The following NAA35 variants were observed in gnomAD, a reference collection of about 807,000 sequenced individuals.
NAA35 encodes N-alpha-acetyltransferase 35, NatC auxiliary subunit, also known as MAK10 homolog, amino-acid N-acetyltransferase subunit.
In NAA35, 18 loss-of-function variants were observed where a neutral mutation model predicts 101.7. The ratio of observed to expected loss-of-function variants is 0.18; its 90% confidence interval spans 0.12 to 0.26. The LOEUF is 0.26. Among genes scored for constraint, NAA35 ranks in the 10% least tolerant of loss-of-function variants. The pLI, the probability that NAA35 is intolerant of heterozygous loss-of-function variation, is 1.00. For missense variants in NAA35, 601 were observed against 886.8 expected (o/e 0.68, Z 4.09); for synonymous variants, 267 against 273.1 (o/e 0.98, Z 0.22).
intron 13 of NAA35, among the ~76,000 whole-genome samples, chr9:86,006,034 G>C (rs1402365588): frequency 6.6e-6 from 1 of 152,082 alleles, no homozygotes. Context: ...AGCCTGGCAT[G>C]GTGGCAGGCG....
chr9:85,959,378 AAAAAAAAAAAAC>A (rs1248527476), intron 4 of NAA35, among the ~76,000 whole-genome samples: 6 of 149,766 alleles, frequency 4.0e-5, no homozygotes, highest in Admixed American at 3.3e-4. Flanking sequence ...CTCTGTCTCA[AAAAAAAAAAAAC>A]AAAAAAAAAA....
chr9:86,014,207 C>CAAGT (rs1664946280), intron 17 of NAA35: 1 of 200,276 alleles, frequency 5.0e-6, no homozygotes, highest in Non-Finnish European at 8.9e-6. Flanking sequence ...AATTTGGTGG[C>CAAGT]ACTAGCTGTG....
intron 4 of NAA35, among the ~76,000 whole-genome samples, chr9:85,959,249 G>A (rs1829405023): frequency 6.6e-6 from 1 of 151,692 alleles, no homozygotes; most frequent in African/African-American, 2.4e-5. Context: ...GGTGGCAGGC[G>A]CCTGTAGTCC....
At chr9:85,965,065 C>CT (rs1395361475) in intron 6 of NAA35, among the ~76,000 whole-genome samples, 4 of 152,204 alleles carry the variant, frequency 2.6e-5, no homozygotes, top group Non-Finnish European at 5.9e-5. Context: ...ACATCCTACT[C>CT]TAAGCAAGAC....
chr9:86,003,911 A>C (rs1362056430), intron 13 of NAA35, among the ~76,000 whole-genome samples: 2 of 152,228 alleles, frequency 1.3e-5, no homozygotes, highest in African/African-American at 4.8e-5. Flanking sequence ...ACTAGTAACC[A>C]ACAAGGGAAT....
chr9:86,011,973 ATATATAATATATAT>A (rs1564325615), intron 15 of NAA35, among the ~76,000 whole-genome samples: 1 of 135,542 alleles, frequency 7.4e-6, no homozygotes, highest in Non-Finnish European at 1.6e-5. Flanking sequence ...AATGTATATA[ATATATAATATATAT>A]TATATATAAT....
intron 2 of NAA35, among the ~76,000 whole-genome samples, chr9:85,946,327 C>T (rs895512728): frequency 6.6e-6 from 1 of 151,962 alleles, no homozygotes; most frequent in Non-Finnish European, 1.5e-5. Flanking sequence ...TTTGTAGAGA[C>T]ATTATGTTAC....
At chr9:86,016,391 T>C (rs904543954) in intron 17 of NAA35, 148 bp from the exon 18 acceptor site, 1 of 638,202 alleles carries the variant, frequency 1.6e-6, no homozygotes, top group South Asian at 2.6e-5. Flanking sequence ...CTTATGTTCA[T>C]TTCTTGTAAG....
chr9:85,994,562 A>G (rs142587535), intron 11 of NAA35, among the ~76,000 whole-genome samples: 61 of 152,358 alleles, frequency 4.0e-4, no homozygotes, highest in African/African-American at 1.3e-3. Context: ...CGTTATTTTA[A>G]TAAACCTGAC....
intron 11 of NAA35, among the ~76,000 whole-genome samples, 170 bp downstream of exon 11, chr9:85,978,551 A>G (rs1830310384): frequency 6.6e-6 from 1 of 152,208 alleles, no homozygotes; most frequent in African/African-American, 2.4e-5. Flanking sequence ...AGACTAAAAA[A>G]CAATACTGTA....
intron 13 of NAA35, among the ~76,000 whole-genome samples, chr9:86,005,974 C>T (rs1254149266): frequency 6.6e-6 from 1 of 151,718 alleles, no homozygotes; most frequent in African/African-American, 2.4e-5. Context: ...AGTTCAAGAT[C>T]AGCCTGGCCA....
intron 2 of NAA35, among the ~76,000 whole-genome samples, chr9:85,944,542 CAA>C (rs991198591): frequency 1.3e-4 from 20 of 152,258 alleles, no homozygotes; most frequent in African/African-American, 4.6e-4. Flanking sequence ...GTGAAAGAAA[CAA>C]GAGAGATGAT....
intron 6 of NAA35, among the ~76,000 whole-genome samples, chr9:85,964,360 T>C (rs936699061): frequency 2.6e-5 from 4 of 152,218 alleles, no homozygotes; most frequent in African/African-American, 4.8e-5. Flanking sequence ...ATTAAAGCCT[T>C]CTTCGCTGTG....
In NAA35 at chr9:86,020,954, C is replaced by CAAA. The variant is rs764071132; in HGVS notation, c.2106_2108dup (p.Lys703dup). 6.2e-7 allele frequency: 1 copy of CAAA among 1,609,048 alleles called. No homozygotes were observed. The highest frequency in any genetic ancestry group is 1.1e-5 in the South Asian group (1 of 90,252). ...TTATGAAGTTATTGGCAGGAGGACA[C>CAAA]AAAAAGGAATCTAAAGTGAGTACAT... On this transcript the variant is annotated inframe_insertion, in exon 22 of 23. Coordinates refer to ENST00000361671, the MANE Select transcript of NAA35 (RefSeq NM_024635.4).
intron 6 of NAA35, among the ~76,000 whole-genome samples, 200 bp downstream of exon 6, chr9:85,962,380 A>T (rs1248554670): frequency 6.8e-6 from 1 of 147,864 alleles, no homozygotes; most frequent in Non-Finnish European, 1.5e-5. Flanking sequence ...AATCCCAGCT[A>T]CTTGGGAGGC....
intron 17 of NAA35, chr9:86,015,762 C>T: frequency 2.1e-6 from 2 of 971,068 alleles, no homozygotes; most frequent in East Asian, 2.3e-4. Context: ...TAGTTGTCCC[C>T]TTCACTCATG....
Position 85,996,509 on chromosome 9 carries a change from G to T in NAA35, c.988G>T (p.Ala330Ser). 6.2e-7 allele frequency: 1 copy of T among 1,605,498 alleles called. No homozygotes were observed. The highest frequency in any genetic ancestry group is 1.1e-5 in the South Asian group (1 of 88,848). The change falls in exon 12 of 23, where the codon GCA becomes TCA. Residue 330 changes from alanine (A) to serine (S), a missense_variant. Ala to Ser is a moderately conservative substitution (Grantham distance 99, BLOSUM62 1). This residue lies in a region of NAA35 where 190 missense variants were observed against 223.1 expected (regional missense o/e 0.85). Coordinates refer to ENST00000361671, the MANE Select transcript of NAA35 (RefSeq NM_024635.4). ...AAGGGAAGAAATGGTGAACTATTTT[G>T]CAAGATTAATAGATAGAATAAAAAC... ...IKREEMVNYF[A>S]RLIDRIKTVC...
At chr9:85,974,858 G>T in intron 6 of NAA35, 109 bp from the exon 7 acceptor site, 1 of 757,482 alleles carries the variant, frequency 1.3e-6, no homozygotes, top group Non-Finnish European at 2.2e-6. Flanking sequence ...ATTTCTCTTT[G>T]TTTATTAAAT....
intron 11 of NAA35, among the ~76,000 whole-genome samples, chr9:85,993,578 T>A (rs1178994744): frequency 6.6e-6 from 1 of 152,160 alleles, no homozygotes; most frequent in African/African-American, 2.4e-5. Context: ...AAAACGTTCT[T>A]TTTGTTGATT....
Sources: gnomAD v4.1 joint callset for allele counts (sites outside exome capture counted in the v4.1 genomes callset) on GRCh38, gnomAD v4.1.1 for gene constraint, gnomAD v4.1.1 regional missense constraint, MANE v1.5 for transcripts, NCBI Gene and HGNC (gene_info 2026-07-23, HGNC 2026-07-21) for gene names.